The following VPS50 variants were observed in gnomAD, a reference collection of about 807,000 sequenced individuals.
VPS50 encodes VPS50 subunit of EARP/GARPII complex.
Under a neutral mutation model 139.7 loss-of-function variants are expected in VPS50, and 70 were observed. The ratio of observed to expected loss-of-function variants is 0.50; its 90% confidence interval spans 0.41 to 0.61. VPS50 has a LOEUF of 0.61. VPS50 is among the 20% of genes least tolerant of loss of function. The pLI is 0.00. For synonymous variants in VPS50, 365 were observed against 376.7 expected, an observed-to-expected ratio of 0.97 and a Z score of 0.36; for missense variants, 921 against 1,133.7, an observed-to-expected ratio of 0.81 and a Z score of 2.69.
At position 93,251,596 on chromosome 7, in the gene VPS50, C is replaced by T. The variant is rs539923447; in HGVS notation, c.103-1057C>T. 9.9e-5 allele frequency among the ~76,000 whole-genome samples: 15 copies of T among 152,106 alleles called. No homozygotes were observed. The South Asian group carries it at 1.5e-3, about 15-fold the overall frequency. ...ATGAGTTGATGGGTGCAGCAAACCACGATGGCATGTGTATACCTATGTAAC... is the reference window on the plus strand; with the variant it reads ...ATGAGTTGATGGGTGCAGCAAACCATGATGGCATGTGTATACCTATGTAAC... On this transcript the variant is annotated intron_variant, in intron 2 of 27. Coordinates refer to ENST00000305866, the MANE Select transcript of VPS50 (RefSeq NM_017667.4).
At chr7:93,238,471 G>A (rs1233462107) in intron 1 of VPS50, among the ~76,000 whole-genome samples, 1 of 152,024 alleles carries the variant, frequency 6.6e-6, no homozygotes, top group Non-Finnish European at 1.5e-5. Context: ...CTAGCCACTG[G>A]GCTGCAGAGG....
At position 93,343,450 on chromosome 7, in the gene VPS50, A is replaced by T. The variant is rs1201581892; in HGVS notation, c.2207+1875A>T. ...GAGAACTTCCCCAATCTAGCAAGGC[A>T]GGCCAACGTTCAGATTCAGGAAATA... On this transcript the variant is annotated intron_variant, in intron 23 of 27. Transcript: ENST00000305866. Among the ~76,000 whole-genome samples, 5 of 152,310 alleles carry T rather than the reference A, an allele frequency of 3.3e-5. No homozygotes were observed. In the East Asian group the frequency reaches 5.8e-4, roughly 18 times the overall value.
chr7:93,252,379 T>A (rs1795361747), intron 2 of VPS50, among the ~76,000 whole-genome samples: 1 of 152,168 alleles, frequency 6.6e-6, no homozygotes, highest in South Asian at 2.1e-4. Context: ...TTTCTTTTGT[T>A]GGACATTAAA....
chr7:93,260,973 T>C (rs1042258454), intron 9 of VPS50, among the ~76,000 whole-genome samples: 1 of 152,194 alleles, frequency 6.6e-6, no homozygotes, highest in Non-Finnish European at 1.5e-5. Flanking sequence ...AGGATATAAA[T>C]TGAGTAGTAC....
intron 15 of VPS50, 100 bp from the exon 16 acceptor site, chr7:93,297,045 A>G: frequency 1.4e-6 from 2 of 1,472,768 alleles, no homozygotes. Flanking sequence ...ACATGTCCAA[A>G]TTTTAGTGAT....
chr7:93,344,267 C>T (rs142613165), intron 23 of VPS50, among the ~76,000 whole-genome samples: 12,787 of 152,180 alleles, frequency 0.084, 579 homozygotes, highest in East Asian at 0.18. Flanking sequence ...ATCAATTCAA[C>T]AAGAAAAGCT....
intron 9 of VPS50, among the ~76,000 whole-genome samples, chr7:93,259,881 C>T (rs959653799): frequency 1.3e-5 from 2 of 151,960 alleles, no homozygotes; most frequent in Non-Finnish European, 2.9e-5. Flanking sequence ...TTTTCCAATC[C>T]AACTGATTCT....
At chr7:93,354,370 T>C (rs778465287) in intron 26 of VPS50, among the ~76,000 whole-genome samples, 1 of 151,748 alleles carries the variant, frequency 6.6e-6, no homozygotes, top group Admixed American at 6.6e-5. Flanking sequence ...CTGGGCTCAC[T>C]GCAGCCTCTC....
At chr7:93,293,581 T>A (rs1228890407) in intron 13 of VPS50, among the ~76,000 whole-genome samples, 1 of 152,224 alleles carries the variant, frequency 6.6e-6, no homozygotes, top group African/African-American at 2.4e-5. Flanking sequence ...AATAAAATTG[T>A]AGAAATTAGT....
chr7:93,259,810 G>A (rs17147430), intron 9 of VPS50, among the ~76,000 whole-genome samples, 178 bp downstream of exon 9: 2 of 152,094 alleles, frequency 1.3e-5, no homozygotes, highest in Non-Finnish European at 2.9e-5. Flanking sequence ...AGGTGTGAAA[G>A]ATCAGATACT....
At chr7:93,293,292 C>T (rs957892833) in intron 13 of VPS50, among the ~76,000 whole-genome samples, 2 of 152,038 alleles carry the variant, frequency 1.3e-5, no homozygotes, top group East Asian at 1.9e-4. Flanking sequence ...CCAAAGAAAA[C>T]GTTTGGAATA....
chr7:93,317,251 T>G (rs1298486916), intron 20 of VPS50, among the ~76,000 whole-genome samples: 1 of 152,148 alleles, frequency 6.6e-6, no homozygotes, highest in African/African-American at 2.4e-5. Flanking sequence ...AGAGGGCTTG[T>G]TAAAACACAG....
chr7:93,267,744 G>A (rs1484233263), intron 9 of VPS50, among the ~76,000 whole-genome samples: 2 of 152,178 alleles, frequency 1.3e-5, no homozygotes, highest in African/African-American at 4.8e-5. Context: ...AGTGAGAAAG[G>A]AAGAAAGGAT....
chr7:93,322,441 T>C (rs1329068463), intron 20 of VPS50, among the ~76,000 whole-genome samples: 1 of 150,242 alleles, frequency 6.7e-6, no homozygotes, highest in African/African-American at 2.4e-5. Context: ...CTACTAAAAA[T>C]ACAAAAAAAT....
At chr7:93,281,119 A>G (rs1452588045) in intron 12 of VPS50, among the ~76,000 whole-genome samples, 3 of 152,132 alleles carry the variant, frequency 2.0e-5, no homozygotes, top group Admixed American at 2.0e-4. Flanking sequence ...GGGAAAGAAA[A>G]CCAACACTGA....
Position 93,306,828 on chromosome 7 carries a change from G to A in VPS50, c.1629+824G>A, listed in dbSNP as rs552002677. On this transcript the variant is annotated intron_variant, in intron 18 of 27. Coordinates refer to ENST00000305866, the MANE Select transcript of VPS50 (RefSeq NM_017667.4). ...AAACCATTCAGATGTGACAAAATATGTTGAAGGATTTGTCTTTATATTTTA... is the reference window on the plus strand; with the variant it reads ...AAACCATTCAGATGTGACAAAATATATTGAAGGATTTGTCTTTATATTTTA... Among the ~76,000 whole-genome samples, 4 of 151,956 alleles carry A rather than the reference G, an allele frequency of 2.6e-5. No homozygotes were observed. In the South Asian group the frequency reaches 8.3e-4, roughly 32 times the overall value.
At chr7:93,330,711 G>A (rs1471546594) in intron 21 of VPS50, among the ~76,000 whole-genome samples, 5 of 123,502 alleles carry the variant, frequency 4.0e-5, no homozygotes, top group Middle Eastern at 7.4e-3. Flanking sequence ...CTGTGATTGC[G>A]CCACTGCATT....
intron 20 of VPS50, among the ~76,000 whole-genome samples, chr7:93,318,145 A>G (rs1333721497): frequency 6.6e-6 from 1 of 151,836 alleles, no homozygotes; most frequent in South Asian, 2.1e-4. Flanking sequence ...ATATATTTAG[A>G]TATTATTTAC....
rs184388376 is a variant in VPS50 at position 93,278,661 on chromosome 7, A to G, written c.942+2356A>G. On this transcript the variant is annotated intron_variant, in intron 12 of 27. Transcript: ENST00000305866. ...GTAGTTGTGTATATATTTAAATTATAAGATAATAAATAGCTTATCCTTATC... is the reference window on the plus strand; with the variant it reads ...GTAGTTGTGTATATATTTAAATTATGAGATAATAAATAGCTTATCCTTATC... 4.1e-3 allele frequency among the ~76,000 whole-genome samples: 625 copies of G among 151,438 alleles called. 4 individuals carry two copies. The highest frequency in any genetic ancestry group is 6.6e-3 in the Non-Finnish European group (450 of 67,878).
Sources: gnomAD v4.1 joint callset for allele counts (sites outside exome capture counted in the v4.1 genomes callset) on GRCh38, gnomAD v4.1.1 for gene constraint, MANE v1.5 for transcripts, NCBI Gene and HGNC (gene_info 2026-07-23, HGNC 2026-07-21) for gene names.